Variants in DCLRE1B observed in about 807,000 individuals in gnomAD.
The protein encoded by DCLRE1B is 5' exonuclease Apollo.
A neutral mutation model predicts 19.8 loss-of-function variants in DCLRE1B; 6 were observed. That is an observed-to-expected ratio of 0.30 (90% CI 0.17 to 0.60). DCLRE1B has a LOEUF of 0.60. Among genes scored for constraint, DCLRE1B ranks in the 20% least tolerant of loss-of-function variants. The probability of loss-of-function intolerance (pLI) is 0.87; values close to 1 mark genes in which losing one functional copy is unlikely to be tolerated. For synonymous variants in DCLRE1B, 258 were observed against 255.7 expected (o/e 1.01, Z -0.09); for missense variants, 622 against 654.2 (o/e 0.95, Z 0.54).
At chr1:113,907,425 A>G (rs1669077538) in intron 2 of DCLRE1B, among the ~76,000 whole-genome samples, 1 of 151,544 alleles carries the variant, frequency 6.6e-6, no homozygotes, top group African/African-American at 2.4e-5. Flanking sequence ...ACTTCATCAC[A>G]TATGAGCATA....
At chr1:113,904,962 GC>G (rs1668801221), upstream of DCLRE1B, 3 of 494,662 alleles carry the variant, frequency 6.1e-6, no homozygotes, top group Non-Finnish European at 1.1e-5. Context: ...CAGGCCGTTC[GC>G]CCCGCCCACA....
At chr1:113,907,200 AGATGTTTT>A in intron 2 of DCLRE1B, 39 bp downstream of exon 2, 1 of 314,570 alleles carries the variant, frequency 3.2e-6, no homozygotes, top group Non-Finnish European at 5.0e-6. Flanking sequence ...TCTCCAGACT[AGATGTTTT>A]TTTTTTTTTT....
intron 2 of DCLRE1B, 80 bp downstream of exon 2, chr1:113,907,241 T>C: frequency 8.7e-7 from 1 of 1,143,872 alleles, no homozygotes; most frequent in Non-Finnish European, 1.2e-6. Context: ...TTTTAATGTA[T>C]AGACTGGGGC....
intron 3 of DCLRE1B, among the ~76,000 whole-genome samples, chr1:113,909,020 G>A (rs181694169): frequency 3.3e-5 from 5 of 152,260 alleles, no homozygotes; most frequent in African/African-American, 7.2e-5. Flanking sequence ...AAGTAGAAGA[G>A]GGACAATATG....
chr1:113,912,621 C>G lies in DCLRE1B; in HGVS notation c.*430C>G, dbSNP rs1669308209. 1 of 154,664 alleles carries G rather than the reference C, an allele frequency of 6.5e-6. No homozygotes were observed. The allele number at this position is 154,664 out of a possible 1,614,324, so 9.6% of individuals were successfully genotyped here. ...GTTTTGTGGTGTCATGAGCCATTCT[C>G]CATGTCCCCTTCTCCCTCTTCTCAG... On this transcript the variant is annotated 3_prime_UTR_variant, in exon 4 of 4. Coordinates refer to ENST00000650450, the MANE Select transcript of DCLRE1B (RefSeq NM_022836.4).
rs533390541 is a variant in DCLRE1B at position 113,907,506 on chromosome 1, G to A, written c.355+345G>A. Among the ~76,000 whole-genome samples, 21 of 151,846 alleles carry A rather than the reference G, an allele frequency of 1.4e-4. No homozygotes were observed. The South Asian group carries it at 4.4e-3, about 32-fold the overall frequency. On this transcript the variant is annotated intron_variant, in intron 2 of 3. Coordinates refer to ENST00000650450, the MANE Select transcript of DCLRE1B (RefSeq NM_022836.4). Reference sequence around the variant, plus strand: ...CTTTTTGAGACGGAGTTTCACTCTTGTCACCCAGGCTGGAGTGCAGTGGCG... The same window carrying A: ...CTTTTTGAGACGGAGTTTCACTCTTATCACCCAGGCTGGAGTGCAGTGGCG...
Position 113,905,575 on chromosome 1 carries a change from A to G in DCLRE1B, c.-12A>G, listed in dbSNP as rs28381068. 3.1e-3 allele frequency: 5,074 copies of G among 1,613,442 alleles called. 261 individuals are homozygous for G. In the Admixed American group the frequency reaches 0.079, roughly 25 times the overall value. ...TGGAGAAGATCCCACTGGTGACTCC[A>G]ACCCTACCACCATGAATGGGGTCCT... On this transcript the variant is annotated 5_prime_UTR_variant, in exon 1 of 4. Transcript: ENST00000650450.
At chr1:113,906,691 C>T (rs932791451) in intron 1 of DCLRE1B, among the ~76,000 whole-genome samples, 1 of 151,814 alleles carries the variant, frequency 6.6e-6, no homozygotes, top group African/African-American at 2.4e-5. Context: ...GACGGGGTTT[C>T]ACCGTGTTAG....
chr1:113,905,175 G>A (rs1668831292), upstream of DCLRE1B: 2 of 343,098 alleles, frequency 5.8e-6, no homozygotes, highest in Admixed American at 9.1e-5. Context: ...CTCCCCGCGA[G>A]CGAGCGCTAA....
Position 113,905,711 on chromosome 1 carries a change from G to C in DCLRE1B, c.125G>C (p.Ser42Thr), listed in dbSNP as rs143565817. 1 of 1,614,022 alleles carries C rather than the reference G, an allele frequency of 6.2e-7. No individual in the cohort carries two copies. Among genetic ancestry groups the C allele is most frequent in the Non-Finnish European group, 8.5e-7 (1 of 1,180,038 alleles). ...TCGGACCACACCGTGGGCCTGTCTA[G>C]CACCTGGGCCCGGCCCCTCTACTGC... The part of the protein sequence containing the change: ...MHSDHTVGLS[S>T]TWARPLYCSP... Residue 42 changes from serine (S) to threonine (T), a missense_variant, in exon 1 of 4, where the codon AGC becomes ACC. Ser to Thr is a moderately conservative substitution (Grantham distance 58, BLOSUM62 1). Coordinates refer to ENST00000650450, the MANE Select transcript of DCLRE1B (RefSeq NM_022836.4).
Position 113,911,849 on chromosome 1 carries a change from A to G in DCLRE1B, c.1257A>G (p.Gln419=), listed in dbSNP as rs751436738. 1 of 1,614,240 alleles carries G rather than the reference A, an allele frequency of 6.2e-7. No individual in the cohort carries two copies. Among genetic ancestry groups the G allele is most frequent in the Admixed American group, 1.7e-5 (1 of 60,028 alleles). Residue 419 remains glutamine (Q), a synonymous_variant, in exon 4 of 4, where the codon CAA becomes CAG. Transcript: ENST00000650450. ...WNKAVPFCES[Q]KRVTMLTAPL... ...AGGCAGTGCCTTTCTGTGAGTCTCA[A>G]AAGAGGGTGACTATGTTGACGGCCC...
intron 1 of DCLRE1B, 65 bp downstream of exon 1, chr1:113,905,840 A>G: frequency 2.0e-6 from 3 of 1,510,158 alleles, no homozygotes; most frequent in Non-Finnish European, 1.8e-6. Flanking sequence ...TCAACCTGTC[A>G]TTCTTGGAGT....
At chr1:113,905,833 A>G in intron 1 of DCLRE1B, 58 bp downstream of exon 1, 2 of 1,536,824 alleles carry the variant, frequency 1.3e-6, no homozygotes, top group Non-Finnish European at 8.8e-7. Flanking sequence ...TGGGACTTCA[A>G]CCTGTCATTC....
At chr1:113,908,672 A>G (rs968800410) in intron 3 of DCLRE1B, among the ~76,000 whole-genome samples, 1 of 151,422 alleles carries the variant, frequency 6.6e-6, no homozygotes, top group African/African-American at 2.4e-5. Context: ...CCCATTCCCA[A>G]CTCCTGATCA....
chr1:113,911,382 T>C lies in DCLRE1B; in HGVS notation c.790T>C (p.Ser264Pro). ...TCCCACAAGCCGAAAAATCCACAGC[T>C]CCCACCCTGATATCCACGTCATCCC... ...ILPTSRKIHS[S>P]HPDIHVIPYS... The change falls in exon 4 of 4, where the codon TCC (serine) becomes CCC (proline). Residue 264 changes from serine (S) to proline (P), a missense_variant. By Grantham distance (74) the Ser-to-Pro change is moderately conservative. Coordinates refer to ENST00000650450, the MANE Select transcript of DCLRE1B (RefSeq NM_022836.4). The C allele has an allele frequency of 3.7e-6, 6 of 1,613,942 alleles. No homozygotes were observed. The highest frequency in any genetic ancestry group is 5.1e-6 in the Non-Finnish European group (6 of 1,179,992).
In DCLRE1B at chr1:113,911,368, G is replaced by A. The variant is rs766521853; in HGVS notation, c.776G>A (p.Arg259Gln). The change falls in exon 4 of 4, where the codon CGA (arginine) becomes CAA (glutamine). Residue 259 changes from arginine (R) to glutamine (Q), a missense_variant. Physicochemically the swap from Arg to Gln is conservative, Grantham distance 43 (BLOSUM62 1). Coordinates refer to ENST00000650450, the MANE Select transcript of DCLRE1B (RefSeq NM_022836.4). Reference sequence around the variant, plus strand: ...ACGATTGCTATCCTTCCCACAAGCCGAAAAATCCACAGCTCCCACCCTGAT... The same window carrying A: ...ACGATTGCTATCCTTCCCACAAGCCAAAAAATCCACAGCTCCCACCCTGAT... ...HPTIAILPTS[R>Q]KIHSSHPDIH... 21 of 1,614,074 alleles carry A rather than the reference G, an allele frequency of 1.3e-5. No individual in the cohort carries two copies. The highest frequency in any genetic ancestry group is 3.3e-5 in the Admixed American group (2 of 60,006).
chr1:113,904,676 C>G, upstream of DCLRE1B: 2 of 1,612,874 alleles, frequency 1.2e-6, no homozygotes, highest in Non-Finnish European at 8.5e-7. Flanking sequence ...ACAGAGCCTT[C>G]TTCAGCTCCT....
chr1:113,911,728 C>T lies in DCLRE1B; in HGVS notation c.1136C>T (p.Ser379Phe). The T allele has an allele frequency of 1.2e-6, 2 of 1,614,186 alleles. No homozygotes were observed. The highest frequency in any genetic ancestry group is 2.2e-5 in the East Asian group (1 of 44,884). The change falls in exon 4 of 4, where the codon TCT becomes TTT. Residue 379 changes from serine (S) to phenylalanine (F), a missense_variant. By Grantham distance (155) the Ser-to-Phe change is radical (BLOSUM62 -2). Around this residue, in one of 3 missense-constraint regions of DCLRE1B, gnomAD observed 382 missense variants for 412.5 expected, o/e 0.93. Transcript: ENST00000650450. ...AAGAAGGCCAAGAAAGAGAAACTTT[C>T]TCCCTGGCCTGCGGACCTTGAAAAG... The part of the protein sequence containing the change: ...DSKKAKKEKL[S>F]PWPADLEKQP...
rs1437958560 is a variant in DCLRE1B, at chr1:113,905,596, G to A, written c.10G>A (p.Val4Ile). 1.2e-6 allele frequency: 2 copies of A among 1,614,144 alleles called. No homozygotes were observed. The highest frequency in any genetic ancestry group is 3.3e-5 in the Admixed American group (2 of 60,010). ...CTCCAACCCTACCACCATGAATGGG[G>A]TCCTGATCCCCCATACGCCCATCGC... MNG[V>I]LIPHTPIAVD... Residue 4 changes from valine to isoleucine, a missense_variant, in exon 1 of 4, where the codon GTC becomes ATC. Val to Ile is a conservative substitution (Grantham distance 29). Transcript: ENST00000650450.
Sources: allele counts gnomAD v4.1 joint callset (sites outside exome capture counted in the v4.1 genomes callset), GRCh38; gene constraint gnomAD v4.1.1; regional missense constraint gnomAD v4.1.1; transcripts MANE v1.5; gene names NCBI Gene and HGNC (gene_info 2026-07-23, HGNC 2026-07-21).